MTMR2: variants seen among roughly 807,000 people sequenced by gnomAD.
MTMR2 encodes the protein phosphatidylinositol-3,5-bisphosphate 3-phosphatase MTMR2.
MTMR2 carries 55 observed loss-of-function variants against 86.9 expected under a neutral mutation model. That is an observed-to-expected ratio of 0.63 (90% CI 0.51 to 0.79). MTMR2 has a LOEUF of 0.79. Among genes scored for constraint, MTMR2 ranks in the 30% least tolerant of loss-of-function variants. MTMR2 has a pLI of 0.00. For synonymous variants in MTMR2, 241 were observed against 266.8 expected (o/e 0.90, Z 0.94); for missense variants, 659 against 772.3 (o/e 0.85, Z 1.74).
chr11:95,858,447 G>A (rs1864290105), intron 6 of MTMR2, 84 bp downstream of exon 6: 1 of 880,852 alleles, frequency 1.1e-6, no homozygotes, highest in African/African-American at 1.6e-5. Context: ...TGTAAATGTA[G>A]AGATTCTAGA....
intron 9 of MTMR2, 85 bp from the exon 10 acceptor site, chr11:95,847,984 A>T: frequency 7.7e-7 from 1 of 1,301,148 alleles, no homozygotes; most frequent in Non-Finnish European, 1.1e-6. Flanking sequence ...AGCATAAAAG[A>T]TGATACATAT....
Position 95,847,675 on chromosome 11 carries a change from G to C in MTMR2, c.1179+39C>G, listed in dbSNP as rs745929770. 3.3e-6 allele frequency: 5 copies of C among 1,516,974 alleles called. No individual in the cohort carries two copies. The Admixed American group carries it at 8.4e-5, about 25-fold the overall frequency. 94.0% of individuals were successfully genotyped at this position (1,516,974 alleles called of 1,614,324 possible). On this transcript the variant is annotated intron_variant, in intron 10 of 14. Transcript: ENST00000346299. Reference sequence around the variant, plus strand: ...AAAAGCTAATATAAACAAAGGGGTAGAGAGAGTCTTTGTTTGGGATATAGT... The same window carrying C: ...AAAAGCTAATATAAACAAAGGGGTACAGAGAGTCTTTGTTTGGGATATAGT...
In MTMR2 at chr11:95,877,331, C is replaced by CTTTTTTTTTTTTTTT. The variant is rs1565368414; in HGVS notation, c.186+10824_186+10825insAAAAAAAAAAAAAAA. ...CATTCAAGATCAAGCACAGGGAAGC[C>CTTTTTTTTTTTTTTT]CTTTTTTTTTTTTTTTTTTTTTTTT... On this transcript the variant is annotated intron_variant, in intron 2 of 14. Transcript: ENST00000346299. 9.5e-5 allele frequency among the ~76,000 whole-genome samples: 9 copies of CTTTTTTTTTTTTTTT among 94,718 alleles called. 3 individuals carry two copies. The highest frequency in any genetic ancestry group is 3.5e-4 in the Admixed American group (3 of 8,470). The allele number at this position is 94,718 out of a possible 152,430, so 62.1% of individuals were successfully genotyped here.
rs150063679 is a variant in MTMR2, at chr11:95,891,653, T to C, written c.81-3392A>G. Among the ~76,000 whole-genome samples, 15 of 152,226 alleles carry C rather than the reference T, an allele frequency of 9.9e-5. No individual in the cohort carries two copies. The East Asian group carries it at 2.7e-3, about 27-fold the overall frequency. On this transcript the variant is annotated intron_variant, in intron 1 of 14. Transcript: ENST00000346299. ...ACTTCTCTTCAGACACACATAAACA[T>C]AGGTAGATATTATGATCCACAGTGT...
At chr11:95,839,882 G>A (rs1012040349) in intron 12 of MTMR2, 2 of 152,102 alleles carry the variant, frequency 1.3e-5, no homozygotes, top group Middle Eastern at 3.2e-3. Context: ...TGGCTACAAA[G>A]TATTTTAGGT....
At chr11:95,893,085 C>T (rs1470871069) in intron 1 of MTMR2, among the ~76,000 whole-genome samples, 1 of 152,036 alleles carries the variant, frequency 6.6e-6, no homozygotes. Context: ...TCCACCCACC[C>T]ATCCTCCTCA....
intron 1 of MTMR2, among the ~76,000 whole-genome samples, chr11:95,904,413 T>G (rs1437254203): frequency 6.6e-6 from 1 of 152,194 alleles, no homozygotes; most frequent in Admixed American, 6.5e-5. Flanking sequence ...CCATCTTGAA[T>G]AGGGGCTGGG....
intron 1 of MTMR2, chr11:95,923,572 A>T: frequency 1.1e-6 from 1 of 884,850 alleles, no homozygotes; most frequent in Middle Eastern, 4.3e-4. Context: ...GTCTTAAAAA[A>T]GGTTTGAGAG....
intron 1 of MTMR2, among the ~76,000 whole-genome samples, chr11:95,905,861 G>A (rs1157030336): frequency 1.3e-5 from 2 of 151,916 alleles, no homozygotes; most frequent in Non-Finnish European, 1.5e-5. Context: ...CAAAGTAAAG[G>A]GATAGAGAAA....
intron 2 of MTMR2, among the ~76,000 whole-genome samples, chr11:95,870,271 TTA>T (rs1387173599): frequency 4.6e-5 from 7 of 152,060 alleles, no homozygotes. Context: ...TTTGTAAACT[TTA>T]TTTTGTGTTC....
At chr11:95,867,652 A>G (rs1213914262) in intron 2 of MTMR2, among the ~76,000 whole-genome samples, 2 of 152,180 alleles carry the variant, frequency 1.3e-5, no homozygotes, top group African/African-American at 4.8e-5. Flanking sequence ...GTATATAAAC[A>G]ACTAATTCTA....
rs1366867227 is a variant in MTMR2 at position 95,847,867 on chromosome 11, G to C, written c.1026C>G (p.Ala342=). The C allele has an allele frequency of 6.2e-7, 1 of 1,613,656 alleles. No homozygotes were observed. Among genetic ancestry groups the C allele is most frequent in the Non-Finnish European group, 8.5e-7 (1 of 1,179,748 alleles). ...GGAAAACTAGTTCAGCATTTTGATA[G>C]GCATCTTCACTTTCATAACCTCCAC... ...AKGGGYESED[A]YQNAELVFLD... The change falls in exon 10 of 15, where the codon GCC becomes GCG. Residue 342 remains alanine, a synonymous_variant. Transcript: ENST00000346299.
chr11:95,850,771 A>T, intron 7 of MTMR2, 22 bp from the exon 8 acceptor site: 1 of 1,610,236 alleles, frequency 6.2e-7, no homozygotes, highest in Non-Finnish European at 8.5e-7. Context: ...ATGAAACATA[A>T]GACAAATTAC....
At chr11:95,888,129 A>C in intron 2 of MTMR2, 27 bp downstream of exon 2, 2 of 1,497,994 alleles carry the variant, frequency 1.3e-6, no homozygotes, top group Admixed American at 3.4e-5. Context: ...AAAGTACTTC[A>C]TCAGAACTTT....
intron 7 of MTMR2, among the ~76,000 whole-genome samples, chr11:95,853,636 T>C (rs1864104369): frequency 6.6e-6 from 1 of 152,124 alleles, no homozygotes; most frequent in Admixed American, 6.6e-5. Flanking sequence ...CTACAGTACT[T>C]GCTCTATCAG....
At chr11:95,900,404 C>T (rs932096888) in intron 1 of MTMR2, among the ~76,000 whole-genome samples, 5 of 152,112 alleles carry the variant, frequency 3.3e-5, no homozygotes, top group African/African-American at 1.2e-4. Flanking sequence ...CTACCTAATA[C>T]TACAGAGCAG....
chr11:95,900,325 C>A (rs764184129), intron 1 of MTMR2, among the ~76,000 whole-genome samples: 1 of 151,978 alleles, frequency 6.6e-6, no homozygotes, highest in Non-Finnish European at 1.5e-5. Flanking sequence ...AATTATGTAG[C>A]CCAGGGACAA....
At chr11:95,873,978 C>T (rs575215927) in intron 2 of MTMR2, among the ~76,000 whole-genome samples, 2 of 151,804 alleles carry the variant, frequency 1.3e-5, no homozygotes, top group Admixed American at 1.3e-4. Context: ...TATAATTTCT[C>T]TTGTTTTACA....
intron 11 of MTMR2, 122 bp from the exon 12 acceptor site, chr11:95,841,831 T>C: frequency 1.3e-6 from 1 of 764,066 alleles, no homozygotes; most frequent in Non-Finnish European, 2.3e-6. Flanking sequence ...TGCTGTGGTT[T>C]ACACCTGTAA....
Sources: allele counts gnomAD v4.1 joint callset (sites outside exome capture counted in the v4.1 genomes callset), GRCh38; gene constraint gnomAD v4.1.1; transcripts MANE v1.5; gene names NCBI Gene and HGNC (gene_info 2026-07-23, HGNC 2026-07-21).